Variants in C10orf90 observed in about 807,000 individuals in gnomAD.
C10orf90 encodes (E2-independent) E3 ubiquitin-conjugating enzyme FATS.
A neutral mutation model predicts 62.5 loss-of-function variants in C10orf90; 56 were observed. The observed-to-expected ratio is 0.90, with a 90% CI of 0.72 to 1.12. The LOEUF is 1.12. Among genes scored for constraint, C10orf90 ranks in the 50% most tolerant of loss-of-function variants. C10orf90 has a pLI of 0.00. For missense variants in C10orf90, 970 were observed against 880.4 expected (o/e 1.10, Z -1.29); for synonymous variants, 386 against 340.4 (o/e 1.13, Z -1.47).
chr10:126,460,351 A>G (rs1449963949), intron 6 of C10orf90, among the ~76,000 whole-genome samples: 1 of 152,260 alleles, frequency 6.6e-6, no homozygotes, highest in Admixed American at 6.5e-5. Flanking sequence ...TATGCTCAGC[A>G]AAGGCTCACT....
Position 126,595,173 on chromosome 10 carries a change from C to T in C10orf90, c.313+51392G>A, listed in dbSNP as rs114846644. ...AACTCTCACTGTGCAACCACTTGCA[C>T]TTAACAGTTATTAGCTAGTTTGCAA... is the stretch of plus-strand genomic sequence containing the variant. On this transcript the variant is annotated intron_variant, in intron 2 of 9. Coordinates refer to ENST00000488181, the MANE Select transcript of C10orf90 (RefSeq NM_001350921.2). Among the ~76,000 whole-genome samples, 411 of 152,276 alleles carry T rather than the reference C, an allele frequency of 2.7e-3. 3 individuals are homozygous for T. The highest frequency in any genetic ancestry group is 9.0e-3 in the African/African-American group (373 of 41,566).
chr10:126,511,981 G>A (rs1863133249), intron 3 of C10orf90: 1 of 151,680 alleles, frequency 6.6e-6, no homozygotes, highest in Non-Finnish European at 1.5e-5. Flanking sequence ...AAGGAAAAGT[G>A]ATCAATCTCG....
chr10:126,509,882 C>A (rs1455406946), intron 3 of C10orf90, among the ~76,000 whole-genome samples: 2 of 152,144 alleles, frequency 1.3e-5, no homozygotes, highest in Non-Finnish European at 2.9e-5. Flanking sequence ...ACCATAGCAC[C>A]AAAGTACTAC....
chr10:126,435,522 A>G (rs1024616275), intron 7 of C10orf90, among the ~76,000 whole-genome samples: 1 of 152,126 alleles, frequency 6.6e-6, no homozygotes, highest in African/African-American at 2.4e-5. Context: ...GGTGGTGAAG[A>G]GAACGCCCCA....
rs981834371 is a variant in C10orf90, at chr10:126,567,589, C to T, written c.314-53650G>A. Among the ~76,000 whole-genome samples the T allele has an allele frequency of 2.6e-5, 4 of 152,104 alleles. No individual in the cohort carries two copies. The South Asian group carries it at 8.3e-4, about 32-fold the overall frequency. On this transcript the variant is annotated intron_variant, in intron 2 of 9. Transcript: ENST00000488181. ...AGCTGGGTTGGCTGAAGGAGGGTAA[C>T]CAGCAAAGCAGGGTCGGAAGCCCTG...
chr10:126,462,357 T>C (rs997258078), intron 5 of C10orf90, among the ~76,000 whole-genome samples: 10 of 151,850 alleles, frequency 6.6e-5, no homozygotes, highest in African/African-American at 2.4e-4. Context: ...CATGGCAGCC[T>C]CTCCCTCACT....
chr10:126,473,649 A>ATT (rs55819559), intron 4 of C10orf90, among the ~76,000 whole-genome samples: 238 of 149,874 alleles, frequency 1.6e-3, no homozygotes, highest in African/African-American at 5.6e-3. Flanking sequence ...CTGGATTTTT[A>ATT]TTTTTTTTTT....
chr10:126,628,806 A>C (rs1412868673), intron 2 of C10orf90, among the ~76,000 whole-genome samples: 1 of 152,050 alleles, frequency 6.6e-6, no homozygotes, highest in Non-Finnish European at 1.5e-5. Context: ...TTGCCTGCCC[A>C]CCACTCACTC....
intron 4 of C10orf90, among the ~76,000 whole-genome samples, chr10:126,495,758 C>T (rs1456754122): frequency 6.6e-6 from 1 of 152,256 alleles, no homozygotes; most frequent in East Asian, 1.9e-4. Flanking sequence ...ATTTTTTGCT[C>T]TATTTTCCAG....
intron 2 of C10orf90, among the ~76,000 whole-genome samples, chr10:126,611,561 C>T (rs1398724659): frequency 6.6e-6 from 1 of 152,200 alleles, no homozygotes; most frequent in Admixed American, 6.5e-5. Flanking sequence ...GAGGAGCTGC[C>T]AGATTATTTT....
At chr10:126,505,182 T>C in intron 3 of C10orf90, 97 bp from the exon 4 acceptor site, 2 of 1,275,410 alleles carry the variant, frequency 1.6e-6, no homozygotes, top group Non-Finnish European at 2.1e-6. Context: ...GAGCACTGGG[T>C]TCATAACACT....
At chr10:126,479,221 T>C (rs1470004693) in intron 4 of C10orf90, among the ~76,000 whole-genome samples, 6 of 152,190 alleles carry the variant, frequency 3.9e-5, no homozygotes, top group Non-Finnish European at 7.3e-5. Context: ...GTTATTCCAA[T>C]GTGGGCGGTC....
At chr10:126,510,904 A>C (rs1374810472) in intron 3 of C10orf90, among the ~76,000 whole-genome samples, 1 of 152,250 alleles carries the variant, frequency 6.6e-6, no homozygotes, top group Non-Finnish European at 1.5e-5. Flanking sequence ...CGATGCCTCC[A>C]TTCCTGTAGC....
rs369590190 is a variant in C10orf90 at position 126,655,979 on chromosome 10, T to G, written c.241-9342A>C. Reference sequence around the variant, plus strand: ...CCACTGGTGGTTGCTTTCTGTGATTTTTTTCAGCCAGACTGACAGAAAGGA... The same window carrying G: ...CCACTGGTGGTTGCTTTCTGTGATTGTTTTCAGCCAGACTGACAGAAAGGA... On this transcript the variant is annotated intron_variant, in intron 1 of 9. Coordinates refer to ENST00000488181, the MANE Select transcript of C10orf90 (RefSeq NM_001350921.2). 2.6e-5 allele frequency among the ~76,000 whole-genome samples: 4 copies of G among 152,294 alleles called. No homozygotes were observed. The South Asian group carries it at 8.3e-4, about 32-fold the overall frequency.
intron 4 of C10orf90, among the ~76,000 whole-genome samples, chr10:126,490,166 T>G (rs375702392): frequency 7.5e-6 from 1 of 133,504 alleles, no homozygotes; most frequent in Non-Finnish European, 1.6e-5. Flanking sequence ...AATATACACA[T>G]GCAGTTAGAA....
At chr10:126,659,218 C>G (rs531803350) in intron 1 of C10orf90, among the ~76,000 whole-genome samples, 1 of 152,174 alleles carries the variant, frequency 6.6e-6, no homozygotes, top group Non-Finnish European at 1.5e-5. Flanking sequence ...TGAAAACTAG[C>G]GCAATATGAG....
rs148195307 is a variant in C10orf90, at chr10:126,526,103, GC to G, written c.314-12165del. On this transcript the variant is annotated intron_variant, in intron 2 of 9. Transcript: ENST00000488181. ...AAGAGGGGCAGGGCTCTCCAGAGAG[GC>G]CCCAGCTAGGAAGTCACAAAGTCAG... is the stretch of plus-strand genomic sequence containing the variant. Among the ~76,000 whole-genome samples the G allele has an allele frequency of 4.6e-3, 696 of 151,166 alleles. 6 individuals are homozygous for G. Among genetic ancestry groups the G allele is most frequent in the African/African-American group, 0.016 (674 of 41,156 alleles).
intron 4 of C10orf90, among the ~76,000 whole-genome samples, chr10:126,490,995 C>T (rs915732371): frequency 6.6e-6 from 1 of 152,072 alleles, no homozygotes; most frequent in Non-Finnish European, 1.5e-5. Context: ...AGTTCCCATA[C>T]AGAAATGATA....
intron 2 of C10orf90, among the ~76,000 whole-genome samples, chr10:126,636,269 C>T (rs1277922956): frequency 6.6e-6 from 1 of 152,170 alleles, no homozygotes; most frequent in Non-Finnish European, 1.5e-5. Context: ...GTGTTACAAG[C>T]TGTGTCTCAG....
Sources: allele counts gnomAD v4.1 joint callset (sites outside exome capture counted in the v4.1 genomes callset), GRCh38; gene constraint gnomAD v4.1.1; transcripts MANE v1.5; gene names NCBI Gene and HGNC (gene_info 2026-07-23, HGNC 2026-07-21).